Variants in FARS2 observed in about 807,000 individuals in gnomAD.
FARS2 encodes the protein phenylalanine--tRNA ligase, mitochondrial.
A neutral mutation model predicts 46.4 loss-of-function variants in FARS2; 40 were observed. The observed-to-expected ratio is 0.86, with a 90% CI of 0.67 to 1.12. The LOEUF is 1.12. Among genes scored for constraint, FARS2 ranks in the 50% most tolerant of loss-of-function variants. FARS2 has a pLI of 0.00. For missense variants in FARS2, 513 were observed against 567.9 expected, an observed-to-expected ratio of 0.90 and a Z score of 0.98; for synonymous variants, 234 against 214.9, an observed-to-expected ratio of 1.09 and a Z score of -0.78.
intron 5 of FARS2, among the ~76,000 whole-genome samples, chr6:5,571,959 GC>G (rs1470790956): frequency 2.0e-5 from 3 of 152,158 alleles, no homozygotes; most frequent in African/African-American, 7.2e-5. Context: ...CCTGTCACCT[GC>G]AGCCTCAGCT....
intron 4 of FARS2, among the ~76,000 whole-genome samples, chr6:5,503,534 A>C (rs983610029): frequency 1.3e-5 from 2 of 151,816 alleles, no homozygotes; most frequent in African/African-American, 4.8e-5. Context: ...CCGCAAGTAC[A>C]TATGATTTTA....
At chr6:5,382,800 GA>G (rs1372990814) in intron 2 of FARS2, among the ~76,000 whole-genome samples, 1 of 152,182 alleles carries the variant, frequency 6.6e-6, no homozygotes, top group Non-Finnish European at 1.5e-5. Context: ...GATGGCTCAG[GA>G]GGACAAACAT....
At chr6:5,331,538 C>T (rs796371225) in intron 1 of FARS2, among the ~76,000 whole-genome samples, 34 of 152,238 alleles carry the variant, frequency 2.2e-4, no homozygotes, top group African/African-American at 7.0e-4. Flanking sequence ...CTCTAGTTCC[C>T]CTGGTGCTAT....
upstream of FARS2, chr6:5,260,645 C>T (rs1483357624): frequency 3.0e-6 from 4 of 1,334,402 alleles, no homozygotes; most frequent in Non-Finnish European, 4.1e-6. Context: ...CCCGCTGGGT[C>T]ACCTGTAATT....
intron 5 of FARS2, among the ~76,000 whole-genome samples, chr6:5,567,890 G>A (rs988834197): frequency 2.6e-5 from 4 of 152,226 alleles, no homozygotes; most frequent in African/African-American, 9.6e-5. Context: ...AATAAGTTCA[G>A]ATACTCTCAA....
At chr6:5,281,762 G>A (rs1394992662) in intron 1 of FARS2, among the ~76,000 whole-genome samples, 3 of 152,038 alleles carry the variant, frequency 2.0e-5, no homozygotes, top group African/African-American at 7.2e-5. Flanking sequence ...CTCCTTTAAC[G>A]TGACTGTATC....
At position 5,380,971 on chromosome 6, in the gene FARS2, ATTATTTATTTAT is replaced by A. The variant is rs370795967; in HGVS notation, c.612+11823_612+11834del. Among the ~76,000 whole-genome samples the A allele has an allele frequency of 1.8e-4, 21 of 119,144 alleles. 1 individual carries two copies. In the South Asian group the frequency reaches 2.5e-3, roughly 14 times the overall value. 78.2% of individuals were successfully genotyped at this position (119,144 alleles called of 152,430 possible). ...AGATCAATAGTAGTTCATTATAGCA[ATTATTTATTTAT>A]TTATTTATTTATTTATTTATTTATT... is the stretch of plus-strand genomic sequence containing the variant. On this transcript the variant is annotated intron_variant, in intron 2 of 6. Transcript: ENST00000274680.
intron 4 of FARS2, among the ~76,000 whole-genome samples, chr6:5,463,969 A>T (rs1765380699): frequency 6.6e-6 from 1 of 152,232 alleles, no homozygotes; most frequent in African/African-American, 2.4e-5. Flanking sequence ...CTTCAGGCAC[A>T]GCAGGTTTCA....
At chr6:5,453,663 G>GT (rs1396256435) in intron 4 of FARS2, among the ~76,000 whole-genome samples, 2 of 152,106 alleles carry the variant, frequency 1.3e-5, no homozygotes, top group Non-Finnish European at 2.9e-5. Flanking sequence ...CCAAAACCCT[G>GT]TTTTTTATCT....
intron 5 of FARS2, among the ~76,000 whole-genome samples, chr6:5,610,409 CA>C (rs1775111507): frequency 6.6e-6 from 1 of 151,326 alleles, no homozygotes; most frequent in African/African-American, 2.4e-5. Flanking sequence ...TGGATTCAGC[CA>C]ATTGTAGTCA....
At chr6:5,283,161 T>G (rs1766860115) in intron 1 of FARS2, among the ~76,000 whole-genome samples, 2 of 151,766 alleles carry the variant, frequency 1.3e-5, no homozygotes, top group African/African-American at 4.8e-5. Context: ...TCACCTAAGG[T>G]CAGAAGTTTG....
intron 6 of FARS2, among the ~76,000 whole-genome samples, chr6:5,745,541 G>T (rs145730090): frequency 1.3e-5 from 2 of 152,296 alleles, no homozygotes; most frequent in East Asian, 3.9e-4. Flanking sequence ...ATCAATCGAT[G>T]AGTCTTTTTT....
chr6:5,369,206 C>T (rs533049932), intron 2 of FARS2, 24 bp downstream of exon 2: 20 of 1,593,612 alleles, frequency 1.3e-5, no homozygotes, highest in Middle Eastern at 1.7e-4. Context: ...TGTTTCTCAT[C>T]GCTGAAGGAT....
chr6:5,619,853 C>CT (rs1245929698), intron 6 of FARS2, among the ~76,000 whole-genome samples: 2 of 152,052 alleles, frequency 1.3e-5, no homozygotes, highest in Non-Finnish European at 2.9e-5. Context: ...TTCATTTTCA[C>CT]TTTGTCAAAT....
At chr6:5,261,079 C>T (rs113447924), upstream of FARS2, 70 of 430,958 alleles carry the variant, frequency 1.6e-4, no homozygotes, top group Non-Finnish European at 2.1e-4. Context: ...GAGGACTGGC[C>T]GCCCGTGCAT....
chr6:5,407,846 A>G (rs946893609), intron 3 of FARS2, among the ~76,000 whole-genome samples: 15 of 152,242 alleles, frequency 9.9e-5, no homozygotes, highest in Non-Finnish European at 2.1e-4. Context: ...TTAAACATTT[A>G]TATCATCTGT....
At chr6:5,376,469 G>A (rs1759388290) in intron 2 of FARS2, among the ~76,000 whole-genome samples, 1 of 152,086 alleles carries the variant, frequency 6.6e-6, no homozygotes, top group South Asian at 2.1e-4. Context: ...GGGTAATTTG[G>A]TAGTTTCCAA....
At chr6:5,673,100 C>T (rs1312465680) in intron 6 of FARS2, among the ~76,000 whole-genome samples, 2 of 152,228 alleles carry the variant, frequency 1.3e-5, no homozygotes, top group Non-Finnish European at 1.5e-5. Context: ...GGGCCCCAAA[C>T]TGTGCTTCCC....
At chr6:5,514,671 A>T (rs1224650188) in intron 4 of FARS2, among the ~76,000 whole-genome samples, 1 of 152,152 alleles carries the variant, frequency 6.6e-6, no homozygotes, top group Non-Finnish European at 1.5e-5. Context: ...CAAATGTTCC[A>T]CTACAGTCTT....
Sources: allele counts gnomAD v4.1 joint callset (sites outside exome capture counted in the v4.1 genomes callset), GRCh38; gene constraint gnomAD v4.1.1; transcripts MANE v1.5; gene names NCBI Gene and HGNC (gene_info 2026-07-23, HGNC 2026-07-21).